The following SPNS3 variants were observed in gnomAD, a reference collection of about 807,000 sequenced individuals.
The protein encoded by SPNS3 is protein spinster homolog 3.
Under a neutral mutation model 54.4 loss-of-function variants are expected in SPNS3, and 51 were observed. That is an observed-to-expected ratio of 0.94 (90% confidence interval 0.75 to 1.18). The LOEUF (loss-of-function observed/expected upper bound fraction) is 1.18. Among genes scored for constraint, SPNS3 ranks in the 50% most tolerant of loss-of-function variants. The probability of loss-of-function intolerance (pLI) is 0.00; values close to 1 mark genes in which losing one functional copy is unlikely to be tolerated. For synonymous variants in SPNS3, 309 were observed against 294.7 expected (o/e 1.05, Z -0.50); for missense variants, 669 against 677.4 (o/e 0.99, Z 0.14).
Position 4,483,785 on chromosome 17 carries a change from C to G in SPNS3, c.1180-2443C>G, listed in dbSNP as rs370562021. On this transcript the variant is annotated intron_variant, in intron 9 of 11. Coordinates refer to ENST00000355530, the MANE Select transcript of SPNS3 (RefSeq NM_182538.5). This position sits in a 1 kb window ranked among gnomAD's most constrained non-coding sequence, Gnocchi z 4.2. Reference sequence around the variant, plus strand: ...TGCCACCTGTACATGGTGGCTCAGTCCCAGTGACCCTGGGACCAGCGAGTC... The same window carrying G: ...TGCCACCTGTACATGGTGGCTCAGTGCCAGTGACCCTGGGACCAGCGAGTC... 2.4e-3 allele frequency: 358 copies of G among 152,258 alleles called. 1 individual carries two copies. The highest frequency in any genetic ancestry group is 7.8e-3 in the African/African-American group (323 of 41,524). The allele number at this position is 152,258 out of a possible 1,614,324, so 9.4% of individuals were successfully genotyped here. A position where few individuals can be genotyped will look rare whatever the true frequency, so the allele number is the denominator to read the frequency against.
At chr17:4,474,438 C>T (rs919540483) in intron 8 of SPNS3, among the ~76,000 whole-genome samples, 3 of 152,070 alleles carry the variant, frequency 2.0e-5, no homozygotes, top group East Asian at 3.9e-4. Flanking sequence ...CCAGGGACAG[C>T]GAGCCCCCAG....
intron 8 of SPNS3, among the ~76,000 whole-genome samples, chr17:4,468,749 CTTTCTTTCTTTCTCTCTTTCTTTT>C (rs1567570046): frequency 2.8e-4 from 39 of 140,878 alleles, no homozygotes; most frequent in African/African-American, 1.1e-3. Context: ...TTCTTTCTTT[CTTTCTTTCTTTCTCTCTTTCTTTT>C]TCTTTCTTTC....
At chr17:4,458,806 C>G (rs1971418031) in intron 8 of SPNS3, among the ~76,000 whole-genome samples, 1 of 151,712 alleles carries the variant, frequency 6.6e-6, no homozygotes, top group Non-Finnish European at 1.5e-5. Flanking sequence ...GCATGTGTCA[C>G]TGTGCCTGGC....
intron 8 of SPNS3, among the ~76,000 whole-genome samples, chr17:4,459,744 G>C (rs1435893047): frequency 6.6e-6 from 1 of 151,640 alleles, no homozygotes; most frequent in African/African-American, 2.4e-5. Flanking sequence ...CAATGCCGTA[G>C]ATATAGCAGT....
At chr17:4,480,940 C>G (rs1454697352) in intron 9 of SPNS3, among the ~76,000 whole-genome samples, 1 of 152,150 alleles carries the variant, frequency 6.6e-6, no homozygotes, top group Non-Finnish European at 1.5e-5. Context: ...TCCTTGTAGC[C>G]CCTATAGTTC....
chr17:4,449,343 G>A lies in SPNS3; in HGVS notation c.879G>A (p.Gly293=), dbSNP rs769524730. Residue 293 remains glycine, a synonymous_variant, in exon 7 of 12, where the codon GGG becomes GGA. Coordinates refer to ENST00000355530, the MANE Select transcript of SPNS3 (RefSeq NM_182538.5). ...TGCTCGAGGCACGCGTGGTTCACGGGCTGCAGCCTCCCTGCTTCCAGGAGC... is the reference window on the plus strand; with the variant it reads ...TGCTCGAGGCACGCGTGGTTCACGGACTGCAGCCTCCCTGCTTCCAGGAGC... ...KFLLEARVVH[G]LQPPCFQEPC... The A allele has an allele frequency of 1.2e-6, 2 of 1,609,084 alleles. No homozygotes were observed. Among genetic ancestry groups the A allele is most frequent in the Admixed American group, 1.7e-5 (1 of 59,526 alleles).
intron 8 of SPNS3, among the ~76,000 whole-genome samples, chr17:4,463,577 A>G (rs933265961): frequency 3.3e-5 from 5 of 151,622 alleles, no homozygotes; most frequent in Non-Finnish European, 7.4e-5. Flanking sequence ...CCCACTAAAA[A>G]TATATTAAAA....
intron 9 of SPNS3, among the ~76,000 whole-genome samples, chr17:4,481,539 T>C (rs905223044): frequency 6.6e-6 from 1 of 151,706 alleles, no homozygotes; most frequent in African/African-American, 2.4e-5. Flanking sequence ...GAGGAGCTGA[T>C]AGGAAAATGG....
intron 8 of SPNS3, among the ~76,000 whole-genome samples, chr17:4,473,006 C>T (rs1222110401): frequency 6.6e-6 from 1 of 151,808 alleles, no homozygotes; most frequent in Non-Finnish European, 1.5e-5. Context: ...CCAGGCTGGT[C>T]TTGAACTCCT....
At position 4,448,314 on chromosome 17, in the gene SPNS3, C is replaced by G; in HGVS notation, c.770+11C>G. 2 of 1,531,006 alleles carry G rather than the reference C, an allele frequency of 1.3e-6. No individual in the cohort carries two copies. Among genetic ancestry groups the G allele is most frequent in the Non-Finnish European group, 1.8e-6 (2 of 1,137,726 alleles). 94.8% of individuals were successfully genotyped at this position (1,531,006 alleles called of 1,614,324 possible). A position where few individuals can be genotyped will look rare whatever the true frequency, so the allele number is the denominator to read the frequency against. On this transcript the variant is annotated intron_variant, in intron 6 of 11. Transcript: ENST00000355530. ...ATACCTGGGGAAAAAGTGAGTATCC[C>G]TGCTACCCCCTGCAAGGCACAGAAA...
chr17:4,459,440 G>A (rs1364538486), intron 8 of SPNS3, among the ~76,000 whole-genome samples: 5 of 152,060 alleles, frequency 3.3e-5, no homozygotes, highest in African/African-American at 9.7e-5. Context: ...AGCTGGGTGC[G>A]GTGCTTCATA....
chr17:4,452,952 A>G, intron 7 of SPNS3, 64 bp from the exon 8 acceptor site: 1 of 1,484,958 alleles, frequency 6.7e-7, no homozygotes, highest in Non-Finnish European at 9.2e-7. Flanking sequence ...GGCTGGGAGC[A>G]GGATAAGAGT....
chr17:4,473,475 C>T (rs377755128), intron 8 of SPNS3, among the ~76,000 whole-genome samples: 1 of 151,718 alleles, frequency 6.6e-6, no homozygotes, highest in African/African-American at 2.4e-5. Context: ...TCAACCTCCA[C>T]CTCCCGGGCA....
rs371394125 is a variant in SPNS3 at position 4,481,342 on chromosome 17, T to G, written c.1179+2705T>G. Among the ~76,000 whole-genome samples the G allele has an allele frequency of 7.9e-5, 12 of 151,588 alleles. No homozygotes were observed. The East Asian group carries it at 2.3e-3, about 30-fold the overall frequency. The stretch of plus-strand genomic sequence containing the variant: ...TGGGGACAGGGTCTGTGGCAGGAAG[T>G]AGAGGAAGGTCCCCTTTGCCGGCCG... On this transcript the variant is annotated intron_variant, in intron 9 of 11. Transcript: ENST00000355530.
intron 8 of SPNS3, 41 bp from the exon 9 acceptor site, chr17:4,478,531 G>C: frequency 6.5e-7 from 1 of 1,546,324 alleles, no homozygotes; most frequent in Non-Finnish European, 8.8e-7. Context: ...GTTGGTGACT[G>C]GGATCTGGGA....
chr17:4,436,477 G>T (rs1047586880), intron 1 of SPNS3, among the ~76,000 whole-genome samples: 1 of 150,986 alleles, frequency 6.6e-6, no homozygotes, highest in Non-Finnish European at 1.5e-5. Flanking sequence ...TCAGCCTCTC[G>T]GGAGGCTGAA....
In SPNS3 at chr17:4,488,083, G is replaced by A; in HGVS notation, c.*189G>A. 3.3e-6 allele frequency: 2 copies of A among 610,628 alleles called. No individual in the cohort carries two copies. The highest frequency in any genetic ancestry group is 5.8e-6 in the Non-Finnish European group (2 of 346,046). 37.8% of individuals were successfully genotyped at this position (610,628 alleles called of 1,614,324 possible). On this transcript the variant is annotated 3_prime_UTR_variant, in exon 12 of 12. Transcript: ENST00000355530. ...ATGGAGCTGTCAGCACTCTGCGTGG[G>A]AGGCCTGGGCCTGTGCCTGCATCCC...
At chr17:4,446,337 A>G in intron 4 of SPNS3, 138 bp downstream of exon 4, 1 of 917,980 alleles carries the variant, frequency 1.1e-6, no homozygotes, top group Non-Finnish European at 1.6e-6. Flanking sequence ...CTCCCTCACC[A>G]TGTGAGTCTA....
chr17:4,442,255 G>C (rs1206947148), intron 2 of SPNS3, among the ~76,000 whole-genome samples: 1 of 151,932 alleles, frequency 6.6e-6, no homozygotes, highest in Non-Finnish European at 1.5e-5. Context: ...TAGAGGGGTT[G>C]GGCTGGGCAC....
Sources: allele counts gnomAD v4.1 joint callset (sites outside exome capture counted in the v4.1 genomes callset), GRCh38; gene constraint gnomAD v4.1.1; non-coding constraint Gnocchi (gnomAD v3.1); transcripts MANE v1.5; gene names NCBI Gene and HGNC (gene_info 2026-07-23, HGNC 2026-07-21).